ZNF804B: variants seen among roughly 807,000 people sequenced by gnomAD.
ZNF804B encodes zinc finger 804B.
Under a neutral mutation model 101.4 loss-of-function variants are expected in ZNF804B, and 80 were observed. The observed-to-expected ratio is 0.79, with a 90% CI of 0.66 to 0.95. ZNF804B has a LOEUF of 0.95. Among genes scored for constraint, ZNF804B ranks in the 40% least tolerant of loss-of-function variants. ZNF804B has a pLI of 0.00. For synonymous variants in ZNF804B, 622 were observed against 558.8 expected, an observed-to-expected ratio of 1.11 and a Z score of -1.59; for missense variants, 1,673 against 1,561.9, an observed-to-expected ratio of 1.07 and a Z score of -1.20.
intron 1 of ZNF804B, among the ~76,000 whole-genome samples, chr7:88,802,276 C>T (rs1409420479): frequency 6.6e-6 from 1 of 152,080 alleles, no homozygotes; most frequent in Non-Finnish European, 1.5e-5. Context: ...CGAAAGTGAA[C>T]TAGTAATATC....
chr7:89,113,694 T>C (rs1420149666), intron 1 of ZNF804B, among the ~76,000 whole-genome samples: 1 of 152,190 alleles, frequency 6.6e-6, no homozygotes, highest in Non-Finnish European at 1.5e-5. Context: ...GGCTCATACC[T>C]GTAATCCCAG....
At chr7:89,162,339 T>G (rs1791079211) in intron 1 of ZNF804B, among the ~76,000 whole-genome samples, 1 of 152,160 alleles carries the variant, frequency 6.6e-6, no homozygotes, top group Non-Finnish European at 1.5e-5. Flanking sequence ...ACTATGAAGA[T>G]ACCATCTAAC....
chr7:89,102,984 A>C (rs1002004091), intron 1 of ZNF804B, among the ~76,000 whole-genome samples: 11 of 145,606 alleles, frequency 7.6e-5, no homozygotes, highest in African/African-American at 2.8e-4. Context: ...ATCAAAGATC[A>C]GTTGGTTATA....
At chr7:88,985,804 A>C (rs990931119) in intron 1 of ZNF804B, among the ~76,000 whole-genome samples, 1 of 152,104 alleles carries the variant, frequency 6.6e-6, no homozygotes, top group Non-Finnish European at 1.5e-5. Flanking sequence ...TATAACCACC[A>C]TGGGTCACCT....
At chr7:88,971,316 A>C (rs1793534573) in intron 1 of ZNF804B, among the ~76,000 whole-genome samples, 1 of 151,704 alleles carries the variant, frequency 6.6e-6, no homozygotes, top group Non-Finnish European at 1.5e-5. Context: ...TCCTTCATTC[A>C]GCCATATCAA....
chr7:89,301,736 A>G (rs1376341968), intron 2 of ZNF804B, among the ~76,000 whole-genome samples: 1 of 151,860 alleles, frequency 6.6e-6, no homozygotes, highest in African/African-American at 2.4e-5. Context: ...CTTTGCAGTT[A>G]AAGAATCATA....
intron 1 of ZNF804B, among the ~76,000 whole-genome samples, chr7:89,167,393 C>T (rs575261229): frequency 6.6e-6 from 1 of 151,726 alleles, no homozygotes; most frequent in East Asian, 1.9e-4. Flanking sequence ...CAGTGAGCCA[C>T]GATCGTGCCA....
chr7:89,250,313 A>G (rs139140034), intron 2 of ZNF804B, among the ~76,000 whole-genome samples: 2 of 152,148 alleles, frequency 1.3e-5, no homozygotes, highest in African/African-American at 4.8e-5. Flanking sequence ...ACACTCCCAT[A>G]CACACAAATT....
chr7:89,227,704 TGA>T (rs1057022684), intron 2 of ZNF804B, among the ~76,000 whole-genome samples: 1 of 151,714 alleles, frequency 6.6e-6, no homozygotes, highest in Non-Finnish European at 1.5e-5. Flanking sequence ...GCCATCTCTC[TGA>T]GAGAGAGAGA....
intron 1 of ZNF804B, among the ~76,000 whole-genome samples, chr7:89,135,756 A>G (rs1790624263): frequency 1.3e-5 from 2 of 152,076 alleles, no homozygotes; most frequent in Admixed American, 6.6e-5. Context: ...AAACTATTAC[A>G]TATCTCTTGT....
chr7:88,983,069 T>C (rs752486791), intron 1 of ZNF804B, among the ~76,000 whole-genome samples: 3 of 152,088 alleles, frequency 2.0e-5, no homozygotes, highest in Non-Finnish European at 2.9e-5. Context: ...CACTCTCATA[T>C]TCTAAGCCTG....
chr7:88,844,892 T>C (rs978788628), intron 1 of ZNF804B, among the ~76,000 whole-genome samples: 6 of 152,220 alleles, frequency 3.9e-5, no homozygotes, highest in Non-Finnish European at 5.9e-5. Flanking sequence ...TGCAGACCAT[T>C]TTGTCTCTTG....
chr7:89,152,873 T>A (rs944702092), intron 1 of ZNF804B, among the ~76,000 whole-genome samples: 2 of 152,010 alleles, frequency 1.3e-5, no homozygotes, highest in African/African-American at 4.8e-5. Flanking sequence ...AAGGCTAGGG[T>A]CTGCTTGAGA....
intron 2 of ZNF804B, among the ~76,000 whole-genome samples, chr7:89,242,035 G>T: frequency 6.6e-6 from 1 of 151,288 alleles, no homozygotes; most frequent in African/African-American, 2.4e-5. Context: ...ATCCTCCAAA[G>T]CTTTTAGTTA....
At chr7:88,831,262 T>C (rs1791127804) in intron 1 of ZNF804B, among the ~76,000 whole-genome samples, 1 of 151,950 alleles carries the variant, frequency 6.6e-6, no homozygotes, top group African/African-American at 2.4e-5. Flanking sequence ...ACCAACCTAC[T>C]TTCTATTGCT....
chr7:89,006,597 T>A (rs1332480258), intron 1 of ZNF804B, among the ~76,000 whole-genome samples: 1 of 152,052 alleles, frequency 6.6e-6, no homozygotes, highest in African/African-American at 2.4e-5. Context: ...ATTTAAAGTA[T>A]AGCACAATTG....
intron 1 of ZNF804B, among the ~76,000 whole-genome samples, chr7:88,773,966 G>T (rs1790106775): frequency 6.6e-6 from 1 of 151,940 alleles, no homozygotes. Context: ...TGAGATTTGG[G>T]TGGGGACAAA....
intron 1 of ZNF804B, among the ~76,000 whole-genome samples, chr7:88,821,399 G>C (rs1228724378): frequency 6.6e-6 from 1 of 152,104 alleles, no homozygotes; most frequent in Non-Finnish European, 1.5e-5. Flanking sequence ...TTGTTTTTCT[G>C]TGTGTTGCCA....
chr7:89,280,421 A>G (rs1012227507), intron 2 of ZNF804B, among the ~76,000 whole-genome samples: 2 of 151,996 alleles, frequency 1.3e-5, no homozygotes, highest in African/African-American at 4.8e-5. Context: ...AGCAGAACTG[A>G]AGGAAATAGA....
Sources: allele counts gnomAD v4.1 joint callset (sites outside exome capture counted in the v4.1 genomes callset), GRCh38; gene constraint gnomAD v4.1.1; transcripts MANE v1.5; gene names NCBI Gene and HGNC (gene_info 2026-07-23, HGNC 2026-07-21).